SDK1: variants seen among roughly 807,000 people sequenced by gnomAD.
The protein encoded by SDK1 is sidekick cell adhesion molecule 1, also known as protein sidekick-1.
A neutral mutation model predicts 245.5 loss-of-function variants in SDK1; 157 were observed. That is an observed-to-expected ratio of 0.64 (90% confidence interval 0.56 to 0.73). The LOEUF is 0.73. Among genes scored for constraint, SDK1 ranks in the 30% least tolerant of loss-of-function variants. The pLI is 0.00. For synonymous variants in SDK1, 1,647 were observed against 1,278.5 expected (o/e 1.29, Z -6.15); for missense variants, 3,583 against 3,002.3 (o/e 1.19, Z -4.52).
chr7:4,006,233 A>G (rs925844516), intron 14 of SDK1, among the ~76,000 whole-genome samples: 4 of 152,218 alleles, frequency 2.6e-5, no homozygotes, highest in African/African-American at 9.7e-5. Context: ...CGGGGTTGTG[A>G]TTCATTCCTC....
Position 3,927,464 on chromosome 7 carries a change from A to T in SDK1, c.848-23459A>T, listed in dbSNP as rs538829891. Among the ~76,000 whole-genome samples, 9 of 152,282 alleles carry T rather than the reference A, an allele frequency of 5.9e-5. No homozygotes were observed. In the South Asian group the frequency reaches 1.9e-3, roughly 32 times the overall value. The stretch of plus-strand genomic sequence containing the variant: ...ATAAGCATAACCCCTTTTCTCCTGT[A>T]GTAAAGGGGAACTTGGAAGGAAACA... On this transcript the variant is annotated intron_variant, in intron 5 of 44. Coordinates refer to ENST00000404826, the MANE Select transcript of SDK1 (RefSeq NM_152744.4).
Position 3,323,958 on chromosome 7 carries a change from C to T in SDK1, c.298+22074C>T, listed in dbSNP as rs117956706. Among the ~76,000 whole-genome samples the T allele has an allele frequency of 1.0e-3, 155 of 152,232 alleles. 2 individuals carry two copies. The East Asian group carries it at 0.024, about 24-fold the overall frequency. The stretch of plus-strand genomic sequence containing the variant: ...ATTGCAGGGTTTCTATTACCTATGT[C>T]CATTTCTTTAAGCCGTTTGGTCTCA... On this transcript the variant is annotated intron_variant, in intron 1 of 44. Coordinates refer to ENST00000404826, the MANE Select transcript of SDK1 (RefSeq NM_152744.4).
At chr7:3,417,894 G>C (rs1266831603) in intron 1 of SDK1, among the ~76,000 whole-genome samples, 1 of 152,118 alleles carries the variant, frequency 6.6e-6, no homozygotes, top group Non-Finnish European at 1.5e-5. Flanking sequence ...GTTTTAGTAA[G>C]GTGGTGGGGA....
At chr7:4,260,662 A>G (rs1467943485) in intron 44 of SDK1, among the ~76,000 whole-genome samples, 1 of 139,366 alleles carries the variant, frequency 7.2e-6, no homozygotes, top group Admixed American at 7.3e-5. Flanking sequence ...GTGTGTGGGA[A>G]GATGTGTTCA....
At chr7:3,701,710 A>G (rs1489374901) in intron 4 of SDK1, among the ~76,000 whole-genome samples, 1 of 152,226 alleles carries the variant, frequency 6.6e-6, no homozygotes, top group Non-Finnish European at 1.5e-5. Flanking sequence ...GGATCACTCT[A>G]TTCAATCTGA....
intron 1 of SDK1, among the ~76,000 whole-genome samples, chr7:3,483,720 G>A (rs969288196): frequency 2.6e-5 from 4 of 152,064 alleles, no homozygotes; most frequent in Middle Eastern, 3.4e-3. Flanking sequence ...AAGCATTTTT[G>A]TTAGGAATGG....
chr7:3,533,769 T>C (rs1437811246), intron 1 of SDK1, among the ~76,000 whole-genome samples: 10 of 152,200 alleles, frequency 6.6e-5, no homozygotes, highest in African/African-American at 4.8e-5. Flanking sequence ...TCCATCTCTT[T>C]GGCTGCTTCC....
At chr7:3,308,712 A>G (rs990893495) in intron 1 of SDK1, among the ~76,000 whole-genome samples, 1 of 152,034 alleles carries the variant, frequency 6.6e-6, no homozygotes, top group South Asian at 2.1e-4. Flanking sequence ...AATGGGCTAG[A>G]CCCTGGGGTC....
At chr7:4,143,606 C>T (rs1191562787) in intron 28 of SDK1, among the ~76,000 whole-genome samples, 1 of 152,332 alleles carries the variant, frequency 6.6e-6, no homozygotes, top group African/African-American at 2.4e-5. Flanking sequence ...AAAGGTGTGT[C>T]CTTCCTTTGA....
chr7:3,760,851 T>G (rs1780075969), intron 4 of SDK1, among the ~76,000 whole-genome samples: 1 of 152,226 alleles, frequency 6.6e-6, no homozygotes, highest in African/African-American at 2.4e-5. Flanking sequence ...TAAGATCTAT[T>G]TATGCTGTTG....
At chr7:4,091,339 T>TTTTTTC (rs1562795931) in intron 22 of SDK1, among the ~76,000 whole-genome samples, 29 of 77,830 alleles carry the variant, frequency 3.7e-4, no homozygotes, top group Non-Finnish European at 6.7e-4. Context: ...CTTTTCTTTT[T>TTTTTTC]TTTTTTTTTT....
chr7:3,782,123 A>C lies in SDK1; in HGVS notation c.714-39327A>C, dbSNP rs11505319. ...GTAATTTATGAGGAAAAGATGTTTC[A>C]TGGGCTCATGGTTCTGCAGACAGTA... On this transcript the variant is annotated intron_variant, in intron 4 of 44. Coordinates refer to ENST00000404826, the MANE Select transcript of SDK1 (RefSeq NM_152744.4). Among the ~76,000 whole-genome samples the C allele has an allele frequency of 5.5e-3, 845 of 152,356 alleles. 9 individuals carry two copies. Among genetic ancestry groups the C allele is most frequent in the African/African-American group, 0.02 (812 of 41,586 alleles).
At chr7:3,362,495 G>C (rs985731067) in intron 1 of SDK1, among the ~76,000 whole-genome samples, 9 of 152,178 alleles carry the variant, frequency 5.9e-5, no homozygotes, top group African/African-American at 2.2e-4. Flanking sequence ...CATATCTAAA[G>C]GAATGCCAAT....
At chr7:4,160,211 C>T (rs907373794) in intron 31 of SDK1, among the ~76,000 whole-genome samples, 5 of 152,160 alleles carry the variant, frequency 3.3e-5, no homozygotes, top group East Asian at 3.8e-4. Context: ...TTACCTTTAA[C>T]ACAGTTGAGG....
At chr7:3,949,576 C>T (rs773641950) in intron 5 of SDK1, among the ~76,000 whole-genome samples, 1 of 152,170 alleles carries the variant, frequency 6.6e-6, no homozygotes, top group Non-Finnish European at 1.5e-5. Flanking sequence ...CAGTCATTTC[C>T]ATTTATTTTT....
intron 17 of SDK1, among the ~76,000 whole-genome samples, chr7:4,017,609 G>T (rs2128152244): frequency 6.6e-6 from 1 of 152,266 alleles, no homozygotes; most frequent in East Asian, 1.9e-4. Context: ...CTTTTGACGG[G>T]TGCATCTAGT....
intron 30 of SDK1, among the ~76,000 whole-genome samples, chr7:4,153,929 C>T (rs1358336549): frequency 6.6e-6 from 1 of 152,112 alleles, no homozygotes; most frequent in Non-Finnish European, 1.5e-5. Context: ...GATCCTCTCA[C>T]CTCAGCCTCC....
chr7:4,214,566 C>T lies in SDK1; in HGVS notation c.5539+4404C>T, dbSNP rs1784682819. Among the ~76,000 whole-genome samples, 5 of 152,202 alleles carry T rather than the reference C, an allele frequency of 3.3e-5. No homozygotes were observed. In the South Asian group the frequency reaches 8.3e-4, roughly 25 times the overall value. On this transcript the variant is annotated intron_variant, in intron 38 of 44. Coordinates refer to ENST00000404826, the MANE Select transcript of SDK1 (RefSeq NM_152744.4). ...CTTTGCAGCTCCTTCCTTGGCTCTG[C>T]AGGCTGAGGGGCGGCCAGGATCTCA...
chr7:3,529,089 G>T (rs1783253567), intron 1 of SDK1, among the ~76,000 whole-genome samples: 1 of 152,112 alleles, frequency 6.6e-6, no homozygotes, highest in Non-Finnish European at 1.5e-5. Flanking sequence ...AACAGATAAG[G>T]GATTTATAAA....
Sources: gnomAD v4.1 joint callset for allele counts (sites outside exome capture counted in the v4.1 genomes callset) on GRCh38, gnomAD v4.1.1 for gene constraint, MANE v1.5 for transcripts, NCBI Gene and HGNC (gene_info 2026-07-23, HGNC 2026-07-21) for gene names.